The following CDYL variants were observed in gnomAD, a reference collection of about 807,000 sequenced individuals.
CDYL encodes the protein chromodomain Y like.
In CDYL, 8 loss-of-function variants were observed where a neutral mutation model predicts 47.3. That is an observed-to-expected ratio of 0.17 (90% CI 0.10 to 0.31). The LOEUF (loss-of-function observed/expected upper bound fraction) is 0.31, where lower values mean the gene tolerates loss of function less well. Ranked by LOEUF, CDYL falls within the 10% of genes least tolerant of loss-of-function variation. The pLI, the probability that CDYL is intolerant of heterozygous loss-of-function variation, is 1.00. For missense variants in CDYL, 471 were observed against 701.4 expected (o/e 0.67, Z 3.71); for synonymous variants, 266 against 265.0 (o/e 1.00, Z -0.04).
intron 2 of CDYL, among the ~76,000 whole-genome samples, chr6:4,919,494 T>TA (rs1167074106): frequency 6.6e-6 from 1 of 152,226 alleles, no homozygotes; most frequent in Non-Finnish European, 1.5e-5. Context: ...GCATTATACT[T>TA]ACCAGTTGAG....
intron 1 of CDYL, among the ~76,000 whole-genome samples, chr6:4,825,467 T>C (rs2127450831): frequency 6.6e-6 from 1 of 152,346 alleles, no homozygotes; most frequent in East Asian, 1.9e-4. Flanking sequence ...TTGAGTGTAT[T>C]AGCTGTGAGT....
chr6:4,851,436 A>T (rs993429669), intron 1 of CDYL, among the ~76,000 whole-genome samples: 3 of 152,136 alleles, frequency 2.0e-5, no homozygotes, highest in Non-Finnish European at 4.4e-5. Flanking sequence ...AACTTTCCCT[A>T]TAGGTGGTTA....
intron 2 of CDYL, among the ~76,000 whole-genome samples, chr6:4,921,382 A>G (rs919254573): frequency 1.3e-5 from 2 of 152,222 alleles, no homozygotes; most frequent in African/African-American, 2.4e-5. Flanking sequence ...GGTTGATGCC[A>G]GAAGTAACAA....
intron 2 of CDYL, among the ~76,000 whole-genome samples, chr6:4,927,754 G>A (rs1010084535): frequency 2.6e-5 from 4 of 152,090 alleles, no homozygotes; most frequent in African/African-American, 7.2e-5. Flanking sequence ...TTTATGCTTT[G>A]CAGTTATTAG....
intron 4 of CDYL, among the ~76,000 whole-genome samples, chr6:4,939,776 A>T (rs1758307818): frequency 6.6e-6 from 1 of 152,170 alleles, no homozygotes; most frequent in Non-Finnish European, 1.5e-5. Flanking sequence ...CATGAACTTA[A>T]CTTTTATTTT....
At chr6:4,906,186 G>A (rs1198155640) in intron 2 of CDYL, among the ~76,000 whole-genome samples, 1 of 152,190 alleles carries the variant, frequency 6.6e-6, no homozygotes, top group Non-Finnish European at 1.5e-5. Context: ...AAACCGGATG[G>A]AGATTATTTT....
At chr6:4,804,574 G>A (rs1478300896) in intron 1 of CDYL, among the ~76,000 whole-genome samples, 1 of 152,162 alleles carries the variant, frequency 6.6e-6, no homozygotes, top group Admixed American at 6.5e-5. Flanking sequence ...GATGGCCTTG[G>A]AGGCTTATTT....
intron 1 of CDYL, among the ~76,000 whole-genome samples, chr6:4,884,732 A>T (rs1011215755): frequency 9.2e-5 from 14 of 151,674 alleles, no homozygotes; most frequent in African/African-American, 3.4e-4. Context: ...AGCATTTGGG[A>T]TCCCCAAGCT....
At chr6:4,732,849 G>A (rs1757632022) in intron 2 of CDYL, among the ~76,000 whole-genome samples, 1 of 152,214 alleles carries the variant, frequency 6.6e-6, no homozygotes, top group African/African-American at 2.4e-5. Flanking sequence ...GCAGAGATAG[G>A]AGGATTAGAT....
intron 3 of CDYL, among the ~76,000 whole-genome samples, chr6:4,747,973 G>GT (rs1757926172): frequency 6.6e-6 from 1 of 152,172 alleles, no homozygotes; most frequent in South Asian, 2.1e-4. Context: ...GCCTGTCCCT[G>GT]TGCCTTAACA....
At chr6:4,870,773 A>C (rs576626322) in intron 1 of CDYL, among the ~76,000 whole-genome samples, 1 of 152,054 alleles carries the variant, frequency 6.6e-6, no homozygotes, top group Non-Finnish European at 1.5e-5. Context: ...TGCCATTTCA[A>C]ATCTACTGTT....
intron 2 of CDYL, among the ~76,000 whole-genome samples, chr6:4,925,497 C>T (rs182308466): frequency 3.0e-4 from 45 of 150,066 alleles, no homozygotes; most frequent in Non-Finnish European, 4.7e-4. Flanking sequence ...CTGCAAGCTC[C>T]GCCTCCCAGG....
intron 1 of CDYL, among the ~76,000 whole-genome samples, chr6:4,815,450 T>A (rs1472530430): frequency 6.6e-6 from 1 of 152,176 alleles, no homozygotes; most frequent in African/African-American, 2.4e-5. Context: ...TCTGTTGATT[T>A]TTAGGTTGTT....
intron 2 of CDYL, among the ~76,000 whole-genome samples, chr6:4,723,156 C>T (rs1425924314): frequency 2.6e-5 from 4 of 152,050 alleles, no homozygotes; most frequent in Admixed American, 2.0e-4. Context: ...ATAAATAATA[C>T]AAATTTAAAA....
chr6:4,841,059 C>G (rs1454120868), intron 1 of CDYL, among the ~76,000 whole-genome samples: 3 of 151,798 alleles, frequency 2.0e-5, no homozygotes, highest in African/African-American at 7.3e-5. Context: ...TTTTTGTTGG[C>G]AACTTTTAAA....
chr6:4,824,020 A>G lies in CDYL; in HGVS notation c.24+47213A>G, dbSNP rs183118252. Among the ~76,000 whole-genome samples, 6 of 152,210 alleles carry G rather than the reference A, an allele frequency of 3.9e-5. No homozygotes were observed. In the East Asian group the frequency reaches 5.8e-4, roughly 15 times the overall value. On this transcript the variant is annotated intron_variant, in intron 1 of 6. Transcript: ENST00000397588. ...TTGTGTCTGGCTTCCTTCACTTAGC[A>G]TAATGTTTTCAAGGTTCATCCGTGT...
At chr6:4,776,337 C>T (rs1247569004), upstream of CDYL, 1 of 144,928 alleles carries the variant, frequency 6.9e-6, no homozygotes, top group African/African-American at 2.5e-5. Context: ...ACCCGGAGCG[C>T]GGGAGCGCGG....
At chr6:4,902,572 C>G (rs1581251074) in intron 2 of CDYL, among the ~76,000 whole-genome samples, 1 of 152,202 alleles carries the variant, frequency 6.6e-6, no homozygotes, top group East Asian at 1.9e-4. Context: ...CTGTGCCCAG[C>G]TCTGTACTTC....
chr6:4,724,013 G>A (rs1344328360), intron 2 of CDYL, among the ~76,000 whole-genome samples: 1 of 152,182 alleles, frequency 6.6e-6, no homozygotes, highest in East Asian at 1.9e-4. Flanking sequence ...ACATACCTGT[G>A]CTAGTTTGAG....
Sources: allele counts gnomAD v4.1 joint callset (sites outside exome capture counted in the v4.1 genomes callset), GRCh38; gene constraint gnomAD v4.1.1; transcripts MANE v1.5; gene names NCBI Gene and HGNC (gene_info 2026-07-23, HGNC 2026-07-21).